WWOX: variants seen among roughly 807,000 people sequenced by gnomAD.
WWOX encodes the protein WW domain containing oxidoreductase.
In WWOX, 69 loss-of-function variants were observed where a neutral mutation model predicts 46.2. That is an observed-to-expected ratio of 1.49 (90% CI 1.23 to 1.82). The LOEUF is 1.82. WWOX is among the 40% of genes most tolerant of loss of function. The pLI is 0.00. For missense variants in WWOX, 919 were observed against 542.6 expected (o/e 1.69, Z -6.89); for synonymous variants, 359 against 202.6 (o/e 1.77, Z -6.56).
At chr16:79,037,997 A>G (rs1053349982) in intron 8 of WWOX, among the ~76,000 whole-genome samples, 3 of 152,190 alleles carry the variant, frequency 2.0e-5, no homozygotes, top group Admixed American at 2.0e-4. Flanking sequence ...TCGTTAACAC[A>G]TGATGGCAAC....
At chr16:78,444,144 T>C (rs74030258) in intron 8 of WWOX, among the ~76,000 whole-genome samples, 1 of 152,086 alleles carries the variant, frequency 6.6e-6, no homozygotes, top group Admixed American at 6.5e-5. Context: ...GATAAAGAAA[T>C]ACTTTGCAAA....
intron 8 of WWOX, among the ~76,000 whole-genome samples, chr16:78,803,703 C>G (rs1245182315): frequency 6.6e-6 from 1 of 152,146 alleles, no homozygotes; most frequent in Non-Finnish European, 1.5e-5. Flanking sequence ...AAGCAGTCTT[C>G]CCACCCTGGC....
At chr16:78,745,312 C>T (rs982164995) in intron 8 of WWOX, among the ~76,000 whole-genome samples, 1 of 152,168 alleles carries the variant, frequency 6.6e-6, no homozygotes, top group African/African-American at 2.4e-5. Context: ...CTTCCTCCAC[C>T]TCTGCCTTCA....
intron 5 of WWOX, among the ~76,000 whole-genome samples, chr16:78,196,972 C>T (rs1597340296): frequency 6.6e-6 from 1 of 152,168 alleles, no homozygotes; most frequent in South Asian, 2.1e-4. Context: ...CCTTCCCACA[C>T]AGAAGAGAGA....
At chr16:78,442,366 A>G (rs558706994) in intron 8 of WWOX, among the ~76,000 whole-genome samples, 1 of 152,214 alleles carries the variant, frequency 6.6e-6, no homozygotes, top group Non-Finnish European at 1.5e-5. Context: ...ATGCTGTACA[A>G]TAGATCTCCA....
At chr16:78,573,735 C>G (rs1205037733) in intron 8 of WWOX, among the ~76,000 whole-genome samples, 1 of 152,216 alleles carries the variant, frequency 6.6e-6, no homozygotes, top group Non-Finnish European at 1.5e-5. Context: ...TCATCAGGTT[C>G]ACTTGCTTCC....
At chr16:78,570,541 T>C (rs375036105) in intron 8 of WWOX, among the ~76,000 whole-genome samples, 1 of 152,196 alleles carries the variant, frequency 6.6e-6, no homozygotes, top group East Asian at 1.9e-4. Flanking sequence ...CTCATATGCC[T>C]GGACTCAAGT....
chr16:79,118,512 T>TCTA (rs973976416), intron 8 of WWOX, among the ~76,000 whole-genome samples: 1 of 152,188 alleles, frequency 6.6e-6, no homozygotes, highest in Admixed American at 6.5e-5. Flanking sequence ...GTGCCGATAG[T>TCTA]CTTCCTTAAT....
intron 8 of WWOX, among the ~76,000 whole-genome samples, chr16:78,547,849 G>C (rs1490195892): frequency 6.6e-6 from 1 of 151,956 alleles, no homozygotes; most frequent in Admixed American, 6.6e-5. Context: ...ATATTATATT[G>C]GTGATTAAAT....
chr16:78,948,906 G>C (rs539820535), intron 8 of WWOX, among the ~76,000 whole-genome samples: 1 of 152,286 alleles, frequency 6.6e-6, no homozygotes, highest in African/African-American at 2.4e-5. Flanking sequence ...GTGGACAAGA[G>C]AATCGGAGAG....
Position 78,708,171 on chromosome 16 carries a change from G to C in WWOX, c.1056+275419G>C, listed in dbSNP as rs1332349433. On this transcript the variant is annotated intron_variant, in intron 8 of 8. Transcript: ENST00000566780. ...GCACCATTGCATTCCAGCCAGAGTG[G>C]TAGAGCAAGACCCTGTGTCTTAAAA... Among the ~76,000 whole-genome samples, 4 of 152,092 alleles carry C rather than the reference G, an allele frequency of 2.6e-5. No homozygotes were observed. The East Asian group carries it at 5.8e-4, about 22-fold the overall frequency.
At chr16:78,335,107 G>A (rs13335972) in intron 5 of WWOX, among the ~76,000 whole-genome samples, 10,945 of 152,078 alleles carry the variant, frequency 0.072, 1,151 homozygotes, top group African/African-American at 0.23. Context: ...TTGTGGGGTG[G>A]GGCCTGCAGT....
At chr16:78,247,943 G>C (rs192214357) in intron 5 of WWOX, among the ~76,000 whole-genome samples, 2 of 152,200 alleles carry the variant, frequency 1.3e-5, no homozygotes, top group East Asian at 3.9e-4. Context: ...TATCTTGCAA[G>C]GCTTGGGCAT....
intron 8 of WWOX, among the ~76,000 whole-genome samples, chr16:78,878,835 C>G (rs1475716348): frequency 1.4e-5 from 2 of 144,848 alleles, no homozygotes; most frequent in East Asian, 2.0e-4. Context: ...TCCCTATGGT[C>G]TCTTGAGTCC....
intron 8 of WWOX, among the ~76,000 whole-genome samples, chr16:78,718,020 A>G (rs138324311): frequency 2.4e-4 from 35 of 146,722 alleles, no homozygotes; most frequent in African/African-American, 8.7e-4. Context: ...GGAAAGCACA[A>G]TGGTATTAGC....
chr16:79,167,909 T>C (rs1231453169), intron 8 of WWOX, among the ~76,000 whole-genome samples: 2 of 152,140 alleles, frequency 1.3e-5, no homozygotes, highest in Admixed American at 6.5e-5. Flanking sequence ...ATTCCCTTCT[T>C]CCAACTTCTC....
At chr16:78,315,479 AT>A (rs1194722327) in intron 5 of WWOX, among the ~76,000 whole-genome samples, 1 of 152,022 alleles carries the variant, frequency 6.6e-6, no homozygotes, top group Non-Finnish European at 1.5e-5. Context: ...TGAGACCCCC[AT>A]CTCTGCTACA....
chr16:78,763,209 T>C (rs1313738462), intron 8 of WWOX, among the ~76,000 whole-genome samples: 1 of 152,248 alleles, frequency 6.6e-6, no homozygotes, highest in Non-Finnish European at 1.5e-5. Flanking sequence ...TTGATCTGTG[T>C]TTATTACAAA....
chr16:78,704,106 A>G lies in WWOX; in HGVS notation c.1056+271354A>G, dbSNP rs550302055. Among the ~76,000 whole-genome samples, 362 of 150,630 alleles carry G rather than the reference A, an allele frequency of 2.4e-3. 1 individual carries two copies. The highest frequency in any genetic ancestry group is 4.3e-3 in the Non-Finnish European group (289 of 67,774). Reference sequence around the variant, plus strand: ...TTCACTAGATGTTGTTCCACCCAGCACGTCATGGTGGAAAGGGGCAGGCTG... The same window carrying G: ...TTCACTAGATGTTGTTCCACCCAGCGCGTCATGGTGGAAAGGGGCAGGCTG... On this transcript the variant is annotated intron_variant, in intron 8 of 8. Transcript: ENST00000566780.
Sources: gnomAD v4.1 joint callset for allele counts (sites outside exome capture counted in the v4.1 genomes callset) on GRCh38, gnomAD v4.1.1 for gene constraint, MANE v1.5 for transcripts, NCBI Gene and HGNC (gene_info 2026-07-23, HGNC 2026-07-21) for gene names.